SDCCAG8: variants seen among roughly 807,000 people sequenced by gnomAD.
SDCCAG8 encodes serologically defined colon cancer antigen 8.
SDCCAG8 carries 74 observed loss-of-function variants against 101.8 expected under a neutral mutation model. The observed-to-expected ratio is 0.73, with a 90% CI of 0.60 to 0.88. The LOEUF (loss-of-function observed/expected upper bound fraction) is 0.88. Among genes scored for constraint, SDCCAG8 ranks in the 40% least tolerant of loss-of-function variants. The probability of loss-of-function intolerance (pLI) is 0.00; values close to 1 mark genes in which losing one functional copy is unlikely to be tolerated. For missense variants in SDCCAG8, 787 were observed against 822.6 expected (o/e 0.96, Z 0.53); for synonymous variants, 281 against 292.9 (o/e 0.96, Z 0.41).
At chr1:243,283,240 T>C (rs1369087361) in intron 4 of SDCCAG8, among the ~76,000 whole-genome samples, 2 of 152,066 alleles carry the variant, frequency 1.3e-5, no homozygotes, top group Non-Finnish European at 2.9e-5. Flanking sequence ...CAATATGATA[T>C]TCCTCAGTGT....
At chr1:243,361,584 C>T (rs1284644450) in intron 12 of SDCCAG8, among the ~76,000 whole-genome samples, 3 of 152,334 alleles carry the variant, frequency 2.0e-5, no homozygotes, top group East Asian at 1.9e-4. Flanking sequence ...TCTTTCCACC[C>T]TCTTCTCATC....
rs556809537 is a variant in SDCCAG8, at chr1:243,490,070, A to C, written c.2112+930A>C. Among the ~76,000 whole-genome samples the C allele has an allele frequency of 2.6e-5, 4 of 152,332 alleles. No homozygotes were observed. The South Asian group carries it at 8.3e-4, about 32-fold the overall frequency. On this transcript the variant is annotated intron_variant, in intron 17 of 17. Coordinates refer to ENST00000366541, the MANE Select transcript of SDCCAG8 (RefSeq NM_006642.5). ...AGTGCCCTGGGGACTTCAGGCAGTA[A>C]GTGCTTGGAATGATTAATATGAAAA...
At chr1:243,483,145 G>C (rs1664084865) in intron 16 of SDCCAG8, among the ~76,000 whole-genome samples, 1 of 152,206 alleles carries the variant, frequency 6.6e-6, no homozygotes, top group Non-Finnish European at 1.5e-5. Flanking sequence ...CCGTGGCGAC[G>C]GTGAGGGGGG....
At chr1:243,268,025 G>T (rs1375419731) in intron 1 of SDCCAG8, 3 of 777,408 alleles carry the variant, frequency 3.9e-6, no homozygotes, top group Non-Finnish European at 7.2e-6. Context: ...TTTCTCTTTA[G>T]GTTTTAATCT....
At chr1:243,405,557 A>G (rs1465719789) in intron 13 of SDCCAG8, among the ~76,000 whole-genome samples, 1 of 152,250 alleles carries the variant, frequency 6.6e-6, no homozygotes, top group Non-Finnish European at 1.5e-5. Flanking sequence ...GAATAGCAAC[A>G]GTAAGTATGC....
Position 243,270,017 on chromosome 1 carries a change from T to C in SDCCAG8, c.68-88T>C, listed in dbSNP as rs1253989190. 15 of 1,573,978 alleles carry C rather than the reference T, an allele frequency of 9.5e-6. No individual in the cohort carries two copies. The East Asian group carries it at 1.6e-4, about 16-fold the overall frequency. ...CCATAAAGTACGAGAAATAATGATT[T>C]CACCTTTAAAAACTGCCTTCCTGAG... On this transcript the variant is annotated intron_variant, in intron 1 of 17. Transcript: ENST00000366541.
chr1:243,284,592 G>T (rs1354965261), intron 4 of SDCCAG8, among the ~76,000 whole-genome samples: 3 of 152,120 alleles, frequency 2.0e-5, no homozygotes, highest in African/African-American at 7.2e-5. Context: ...GAAGCCGGAG[G>T]CCCCCTCTCC....
intron 16 of SDCCAG8, among the ~76,000 whole-genome samples, chr1:243,435,306 T>A (rs985914998): frequency 7.9e-5 from 12 of 152,218 alleles, no homozygotes; most frequent in African/African-American, 2.9e-4. Context: ...ATCTTAAACT[T>A]CATCTTCCTC....
intron 6 of SDCCAG8, among the ~76,000 whole-genome samples, chr1:243,296,352 C>A (rs1306400853): frequency 1.3e-5 from 2 of 151,956 alleles, no homozygotes; most frequent in Non-Finnish European, 2.9e-5. Flanking sequence ...GCAAACAAAC[C>A]CAAAATATAT....
At chr1:243,268,175 T>A (rs1387488560) in intron 1 of SDCCAG8, 5 of 564,688 alleles carry the variant, frequency 8.9e-6, no homozygotes, top group African/African-American at 5.6e-5. Flanking sequence ...TGCTTTTACC[T>A]GGAATACATT....
chr1:243,282,649 C>A (rs1221328685), intron 4 of SDCCAG8, among the ~76,000 whole-genome samples: 4 of 152,046 alleles, frequency 2.6e-5, no homozygotes, highest in Non-Finnish European at 5.9e-5. Context: ...AAATATTTTT[C>A]TTTCTCTTTT....
At chr1:243,419,861 G>A (rs1263311422) in intron 15 of SDCCAG8, among the ~76,000 whole-genome samples, 7 of 152,128 alleles carry the variant, frequency 4.6e-5, no homozygotes, top group Admixed American at 2.6e-4. Context: ...AACTTACTCT[G>A]TGCCCCTAGG....
chr1:243,274,911 A>AT (rs2149269100), intron 4 of SDCCAG8, among the ~76,000 whole-genome samples: 1 of 152,286 alleles, frequency 6.6e-6, no homozygotes, highest in Admixed American at 6.5e-5. Context: ...ATATGCTTTC[A>AT]TATTTCAGAA....
At chr1:243,421,004 C>T (rs1479762040) in intron 15 of SDCCAG8, among the ~76,000 whole-genome samples, 2 of 152,068 alleles carry the variant, frequency 1.3e-5, no homozygotes, top group African/African-American at 4.8e-5. Context: ...AATAATTTTC[C>T]CTGTGCTTTG....
chr1:243,323,007 C>T (rs2073882457), intron 9 of SDCCAG8, among the ~76,000 whole-genome samples: 3 of 151,912 alleles, frequency 2.0e-5, no homozygotes, highest in South Asian at 4.2e-4. Context: ...TGGTGGTGTG[C>T]GCCTGTAGTC....
intron 16 of SDCCAG8, among the ~76,000 whole-genome samples, chr1:243,481,831 C>T (rs1413311553): frequency 6.6e-6 from 1 of 152,176 alleles, no homozygotes; most frequent in South Asian, 2.1e-4. Flanking sequence ...AAACCTTCCA[C>T]TGTAGTCCGT....
At chr1:243,489,350 A>G (rs1398439947) in intron 17 of SDCCAG8, among the ~76,000 whole-genome samples, 1 of 152,200 alleles carries the variant, frequency 6.6e-6, no homozygotes, top group African/African-American at 2.4e-5. Context: ...AAGTCCGTGC[A>G]GGTGAACAGA....
chr1:243,291,249 C>T (rs1484328496), intron 5 of SDCCAG8, among the ~76,000 whole-genome samples: 1 of 152,166 alleles, frequency 6.6e-6, no homozygotes, highest in Non-Finnish European at 1.5e-5. Flanking sequence ...CATAAATTCC[C>T]CAGATCATTG....
intron 9 of SDCCAG8, among the ~76,000 whole-genome samples, chr1:243,324,238 A>G (rs2073976793): frequency 6.6e-6 from 1 of 151,456 alleles, no homozygotes; most frequent in Non-Finnish European, 1.5e-5. Flanking sequence ...TCTTTCTACC[A>G]TTTTCTCTAT....
Sources: allele counts gnomAD v4.1 joint callset (sites outside exome capture counted in the v4.1 genomes callset), GRCh38; gene constraint gnomAD v4.1.1; transcripts MANE v1.5; gene names NCBI Gene and HGNC (gene_info 2026-07-23, HGNC 2026-07-21).